MAP2K5: variants seen among roughly 807,000 people sequenced by gnomAD.
The protein encoded by MAP2K5 is dual specificity mitogen-activated protein kinase kinase 5.
Under a neutral mutation model 83.1 loss-of-function variants are expected in MAP2K5, and 49 were observed. The observed-to-expected ratio is 0.59, with a 90% CI of 0.47 to 0.75. The LOEUF (loss-of-function observed/expected upper bound fraction) is 0.75, where lower values mean the gene tolerates loss of function less well. Ranked by LOEUF, MAP2K5 falls within the 30% of genes least tolerant of loss-of-function variation. The pLI is 0.00. For missense variants in MAP2K5, 457 were observed against 557.5 expected (o/e 0.82, Z 1.82); for synonymous variants, 202 against 191.8 (o/e 1.05, Z -0.44).
chr15:67,728,971 A>G (rs111237366), intron 17 of MAP2K5, among the ~76,000 whole-genome samples: 54 of 152,332 alleles, frequency 3.5e-4, no homozygotes, highest in African/African-American at 1.3e-3. Context: ...TTGCTTTCAT[A>G]GTTAAAGCCA....
chr15:67,678,986 A>G (rs1047197290), intron 13 of MAP2K5, among the ~76,000 whole-genome samples: 8 of 149,094 alleles, frequency 5.4e-5, no homozygotes, highest in Non-Finnish European at 7.4e-5. Context: ...AAAAAGAACT[A>G]ATCTTACAAG....
chr15:67,597,968 G>A (rs1455709026), intron 7 of MAP2K5, among the ~76,000 whole-genome samples: 1 of 152,162 alleles, frequency 6.6e-6, no homozygotes, highest in South Asian at 2.1e-4. Flanking sequence ...CTTTTGGGAG[G>A]CTGAGGCAGG....
Position 67,597,508 on chromosome 15 carries a change from TA to T in MAP2K5, c.481-3174del, listed in dbSNP as rs201677717. Among the ~76,000 whole-genome samples, 1,288 of 152,324 alleles carry T rather than the reference TA, an allele frequency of 8.5e-3. 41 individuals carry two copies. The highest frequency in any genetic ancestry group is 0.062 in the Admixed American group (951 of 15,294). ...TGGACTAAATGGTCTTAGAATGCTG[TA>T]AATTTCTGTGATTTTTTAAATGATA... On this transcript the variant is annotated intron_variant, in intron 7 of 21. Coordinates refer to ENST00000178640, the MANE Select transcript of MAP2K5 (RefSeq NM_145160.3).
chr15:67,774,313 ATGT>A lies in MAP2K5; in HGVS notation c.1242+1565_1242+1567del, dbSNP rs1342496527. On this transcript the variant is annotated intron_variant, in intron 21 of 21. Coordinates refer to ENST00000178640, the MANE Select transcript of MAP2K5 (RefSeq NM_145160.3). The surrounding 1 kb of genome is among the most constrained non-coding windows in gnomAD (Gnocchi z 4.9). Reference sequence around the variant, plus strand: ...ATAAATCAATAAAATACAATGAAAAATGTTGTCACAGGAAGCACCATTCCATAC... The same window carrying A: ...ATAAATCAATAAAATACAATGAAAAATGTCACAGGAAGCACCATTCCATAC... 6.6e-6 allele frequency among the ~76,000 whole-genome samples: 1 copy of A among 152,162 alleles called. No individual in the cohort carries two copies. Among genetic ancestry groups the A allele is most frequent in the Non-Finnish European group, 1.5e-5 (1 of 68,038 alleles).
rs1596565674 is a variant in MAP2K5 at position 67,565,791 on chromosome 15, G to A, written c.252+2441G>A. Among the ~76,000 whole-genome samples the A allele has an allele frequency of 6.6e-6, 1 of 151,830 alleles. No individual in the cohort carries two copies. The highest frequency in any genetic ancestry group is 1.9e-4 in the East Asian group (1 of 5,158). ...ATGAGATAATTTAAAAAAATTTTTT[G>A]TAGAGATAGGGTCTTGCTTTGTTGC... On this transcript the variant is annotated intron_variant, in intron 3 of 21. Transcript: ENST00000178640. The surrounding 1 kb of genome is among the most constrained non-coding windows in gnomAD (Gnocchi z 4.1).
At chr15:67,631,754 C>T (rs534242833) in intron 9 of MAP2K5, among the ~76,000 whole-genome samples, 5 of 152,322 alleles carry the variant, frequency 3.3e-5, no homozygotes, top group African/African-American at 9.6e-5. Context: ...CCACTGCTGG[C>T]GCTTGATCTT....
At chr15:67,629,209 A>G (rs1423106766) in intron 8 of MAP2K5, 3 of 647,688 alleles carry the variant, frequency 4.6e-6, no homozygotes, top group African/African-American at 3.6e-5. Context: ...GTTACAACAG[A>G]TTTGTGAACT....
intron 19 of MAP2K5, among the ~76,000 whole-genome samples, chr15:67,753,241 T>A (rs750707924): frequency 3.7e-4 from 56 of 152,004 alleles, no homozygotes; most frequent in Non-Finnish European, 6.8e-4. Flanking sequence ...ACTACAAAAT[T>A]CTCAAAAGGA....
chr15:67,619,826 G>A (rs1178889552), intron 8 of MAP2K5, among the ~76,000 whole-genome samples: 1 of 152,198 alleles, frequency 6.6e-6, no homozygotes, highest in African/African-American at 2.4e-5. Context: ...AACTACTCAG[G>A]AGGCTGAGGC....
rs17241808 is a variant in MAP2K5, at chr15:67,600,454, A to G, written c.481-231A>G. 0.4 allele frequency among the ~76,000 whole-genome samples: 60,483 copies of G among 152,062 alleles called. 13,414 individuals are homozygous for G. The highest frequency in any genetic ancestry group is 0.51 in the Non-Finnish European group (34,988 of 67,962). On this transcript the variant is annotated intron_variant, in intron 7 of 21. Transcript: ENST00000178640. ...ATTCCATTTTGACACCTTTTATCAA[A>G]CTTTAATGAAATGACCCAGGCAAAC...
In MAP2K5 at chr15:67,786,020, T is replaced by TG. The variant is rs368980711; in HGVS notation, c.1242+13268_1242+13269insG. 4.0e-3 allele frequency among the ~76,000 whole-genome samples: 434 copies of TG among 109,424 alleles called. 1 individual carries two copies. The highest frequency in any genetic ancestry group is 0.014 in the African/African-American group (418 of 29,964). 71.8% of individuals were successfully genotyped at this position (109,424 alleles called of 152,430 possible). On this transcript the variant is annotated intron_variant, in intron 21 of 21. Transcript: ENST00000178640. This position sits in a 1 kb window ranked among gnomAD's most constrained non-coding sequence, Gnocchi z 4.7. ...AGGGGGCTTTTAGCTGTTAGGTTGTTTTTTTTTTTTTAACTTACAGAAGAT... is the reference window on the plus strand; with the variant it reads ...AGGGGGCTTTTAGCTGTTAGGTTGTTGTTTTTTTTTTTAACTTACAGAAGAT...
intron 6 of MAP2K5, among the ~76,000 whole-genome samples, chr15:67,590,573 G>T (rs1241734847): frequency 2.0e-5 from 3 of 151,816 alleles, no homozygotes; most frequent in African/African-American, 7.3e-5. Flanking sequence ...GGCCTCAAGT[G>T]ACCCGAGTAG....
At position 67,652,570 on chromosome 15, in the gene MAP2K5, A is replaced by T. The variant is rs1290410749; in HGVS notation, c.737-5983A>T. ...CTTTCATGAGGGATCCACTCCTTTGACCCAAACACCTCTCACGAGGCCCCA... is the reference window on the plus strand; with the variant it reads ...CTTTCATGAGGGATCCACTCCTTTGTCCCAAACACCTCTCACGAGGCCCCA... On this transcript the variant is annotated intron_variant, in intron 11 of 21. Transcript: ENST00000178640. The surrounding 1 kb of genome is among the most constrained non-coding windows in gnomAD (Gnocchi z 4.2). 6.6e-6 allele frequency among the ~76,000 whole-genome samples: 1 copy of T among 152,130 alleles called. No homozygotes were observed. The highest frequency in any genetic ancestry group is 1.9e-4 in the East Asian group (1 of 5,192).
At chr15:67,635,676 A>G (rs929227683) in intron 9 of MAP2K5, among the ~76,000 whole-genome samples, 13 of 151,822 alleles carry the variant, frequency 8.6e-5, no homozygotes, top group African/African-American at 3.1e-4. Flanking sequence ...CAGCTTTTGT[A>G]TGTCTAAAAA....
At chr15:67,666,450 T>A (rs558872223) in intron 13 of MAP2K5, among the ~76,000 whole-genome samples, 1 of 152,278 alleles carries the variant, frequency 6.6e-6, no homozygotes, top group East Asian at 1.9e-4. Flanking sequence ...TTGATAGACA[T>A]GTTTCAGATG....
intron 11 of MAP2K5, among the ~76,000 whole-genome samples, chr15:67,656,993 G>A (rs190286705): frequency 9.9e-5 from 15 of 152,186 alleles, no homozygotes; most frequent in Middle Eastern, 3.4e-3. Flanking sequence ...CACCTATGAC[G>A]TTTATCTCTA....
At chr15:67,742,110 G>T (rs541190847) in intron 17 of MAP2K5, among the ~76,000 whole-genome samples, 28 of 152,068 alleles carry the variant, frequency 1.8e-4, no homozygotes, top group Non-Finnish European at 4.0e-4. Flanking sequence ...TAGCCAGGAT[G>T]GTCATGATCT....
At chr15:67,591,588 C>A (rs2085411313) in intron 6 of MAP2K5, among the ~76,000 whole-genome samples, 1 of 151,052 alleles carries the variant, frequency 6.6e-6, no homozygotes, top group Non-Finnish European at 1.5e-5. Flanking sequence ...CCAGGATGGT[C>A]TCAATCTCCT....
chr15:67,571,495 C>A (rs542155291), intron 3 of MAP2K5, among the ~76,000 whole-genome samples: 1 of 152,126 alleles, frequency 6.6e-6, no homozygotes, highest in Non-Finnish European at 1.5e-5. Flanking sequence ...ATATCTCAGT[C>A]GCCTTGTTTT....
Sources: gnomAD v4.1 joint callset for allele counts (sites outside exome capture counted in the v4.1 genomes callset) on GRCh38, gnomAD v4.1.1 for gene constraint, Gnocchi (gnomAD v3.1) non-coding constraint, MANE v1.5 for transcripts, NCBI Gene and HGNC (gene_info 2026-07-23, HGNC 2026-07-21) for gene names.